The following ASCC3 variants were observed in gnomAD, a reference collection of about 807,000 sequenced individuals.
ASCC3 encodes the protein ASC-1 complex subunit P200.
ASCC3 carries 158 observed loss-of-function variants against 256.3 expected under a neutral mutation model. The observed-to-expected ratio is 0.62, with a 90% CI of 0.54 to 0.70. ASCC3 has a LOEUF of 0.70. ASCC3 is among the 30% of genes least tolerant of loss of function. The pLI is 0.00. For synonymous variants in ASCC3, 948 were observed against 883.4 expected, an observed-to-expected ratio of 1.07 and a Z score of -1.30; for missense variants, 2,259 against 2,626.0, an observed-to-expected ratio of 0.86 and a Z score of 3.05.
Position 100,848,152 on chromosome 6 carries a change from T to C in ASCC3, c.797A>G (p.Asp266Gly), listed in dbSNP as rs1372515381. The change falls in exon 4 of 42, where the codon GAT (aspartate) becomes GGT (glycine). Residue 266 changes from aspartate (D) to glycine (G), a missense_variant. By Grantham distance (94) the Asp-to-Gly change is moderately conservative. This residue lies in a region of ASCC3 where 420 missense variants were observed against 419.3 expected (regional missense o/e 1.00). Coordinates refer to ENST00000369162, the MANE Select transcript of ASCC3 (RefSeq NM_006828.4). ...AATAAATCATTTCAACTATACCTCA[T>C]CCTGAAGTTCATCACCACTTTTAAT... ...ASIKSGDELQ[D>G]ELFELLGPEG... 2 of 1,589,722 alleles carry C rather than the reference T, an allele frequency of 1.3e-6. No individual in the cohort carries two copies. Among genetic ancestry groups the C allele is most frequent in the East Asian group, 2.2e-5 (1 of 44,674 alleles).
intron 14 of ASCC3, among the ~76,000 whole-genome samples, chr6:100,664,976 C>T (rs1776395483): frequency 6.6e-6 from 1 of 152,172 alleles, no homozygotes; most frequent in African/African-American, 2.4e-5. Flanking sequence ...GTTCTGCTGT[C>T]CTTCTTACAA....
At chr6:100,602,968 A>C (rs1310407090) in intron 33 of ASCC3, among the ~76,000 whole-genome samples, 1 of 152,130 alleles carries the variant, frequency 6.6e-6, no homozygotes, top group Non-Finnish European at 1.5e-5. Context: ...CACCAGCTGC[A>C]GACTACAAAT....
intron 36 of ASCC3, among the ~76,000 whole-genome samples, chr6:100,567,905 C>T (rs1246340084): frequency 3.3e-5 from 5 of 151,988 alleles, no homozygotes; most frequent in Non-Finnish European, 5.9e-5. Flanking sequence ...TCTTTTGGAT[C>T]CCCAGTAATG....
chr6:100,635,176 T>C (rs1774780938), intron 25 of ASCC3, among the ~76,000 whole-genome samples: 3 of 151,810 alleles, frequency 2.0e-5, no homozygotes, highest in Non-Finnish European at 4.4e-5. Flanking sequence ...GATAAAGAAA[T>C]TGTAATATAT....
At chr6:100,695,535 TCC>T (rs750720892) in intron 13 of ASCC3, among the ~76,000 whole-genome samples, 26 of 152,054 alleles carry the variant, frequency 1.7e-4, no homozygotes, top group Non-Finnish European at 2.6e-4. Flanking sequence ...TGTCTTCATT[TCC>T]CCAGAGCCAT....
chr6:100,580,596 T>C (rs1191824025), intron 36 of ASCC3, among the ~76,000 whole-genome samples: 1 of 151,950 alleles, frequency 6.6e-6, no homozygotes, highest in East Asian at 1.9e-4. Context: ...ATTATTATTA[T>C]TATACTTTAA....
intron 10 of ASCC3, among the ~76,000 whole-genome samples, chr6:100,751,095 CCTTA>C (rs1780917088): frequency 6.6e-6 from 1 of 151,846 alleles, no homozygotes; most frequent in South Asian, 2.1e-4. Context: ...ATTGAATAGC[CCTTA>C]GACTATTCCC....
chr6:100,583,082 C>G (rs1040814891), intron 36 of ASCC3, among the ~76,000 whole-genome samples: 5 of 152,184 alleles, frequency 3.3e-5, no homozygotes, highest in Non-Finnish European at 7.3e-5. Context: ...GCTTTGGTAT[C>G]AGGATGATGC....
chr6:100,765,974 G>A (rs1326700819), intron 10 of ASCC3, among the ~76,000 whole-genome samples: 1 of 151,474 alleles, frequency 6.6e-6, no homozygotes, highest in African/African-American at 2.4e-5. Context: ...CTTATATATT[G>A]CTTTCAATAC....
chr6:100,574,497 T>C (rs1770759874), intron 36 of ASCC3, among the ~76,000 whole-genome samples: 1 of 152,010 alleles, frequency 6.6e-6, no homozygotes, highest in South Asian at 2.1e-4. Flanking sequence ...TGGGCCATTT[T>C]CTATTTTAAT....
intron 13 of ASCC3, among the ~76,000 whole-genome samples, chr6:100,698,912 C>T (rs1562234618): frequency 6.6e-6 from 1 of 152,164 alleles, no homozygotes; most frequent in Non-Finnish European, 1.5e-5. Context: ...CAGAAGACTT[C>T]ACCTATTCAC....
At position 100,657,051 on chromosome 6, in the gene ASCC3, T is replaced by C. The variant is rs1198455312; in HGVS notation, c.2704-1233A>G. 2.0e-5 allele frequency among the ~76,000 whole-genome samples: 3 copies of C among 151,420 alleles called. No individual in the cohort carries two copies. In the South Asian group the frequency reaches 6.2e-4, roughly 31 times the overall value. On this transcript the variant is annotated intron_variant, in intron 16 of 41. Coordinates refer to ENST00000369162, the MANE Select transcript of ASCC3 (RefSeq NM_006828.4). ...TTATAATTCTGTATAACTAATTTCA[T>C]GAAATAAATATGTGGATGGTTAATT... is the stretch of plus-strand genomic sequence containing the variant.
intron 30 of ASCC3, among the ~76,000 whole-genome samples, chr6:100,610,048 A>T (rs988504373): frequency 6.6e-6 from 1 of 152,204 alleles, no homozygotes; most frequent in African/African-American, 2.4e-5. Flanking sequence ...GTTAAGACCA[A>T]GTGATTTGAG....
At chr6:100,733,547 C>T (rs1318453667) in intron 10 of ASCC3, among the ~76,000 whole-genome samples, 7 of 152,090 alleles carry the variant, frequency 4.6e-5, no homozygotes, top group Non-Finnish European at 8.8e-5. Flanking sequence ...CATCAGACGC[C>T]GATGCCCAAT....
At chr6:100,553,869 C>T (rs1371245995) in intron 36 of ASCC3, among the ~76,000 whole-genome samples, 1 of 152,064 alleles carries the variant, frequency 6.6e-6, no homozygotes, top group Non-Finnish European at 1.5e-5. Flanking sequence ...AATATTTAGC[C>T]TACTAAATTT....
chr6:100,865,953 CATTT>C (rs59777780), intron 2 of ASCC3, among the ~76,000 whole-genome samples: 1,950 of 148,826 alleles, frequency 0.013, 20 homozygotes, highest in East Asian at 0.05. Flanking sequence ...TAAATAATTT[CATTT>C]ATTTATTTAT....
intron 13 of ASCC3, among the ~76,000 whole-genome samples, chr6:100,710,816 AC>A (rs1441762165): frequency 6.6e-6 from 1 of 152,184 alleles, no homozygotes; most frequent in East Asian, 1.9e-4. Flanking sequence ...TTAAAATGTA[AC>A]ATCATCTTAA....
At chr6:100,764,348 T>C (rs903668819) in intron 10 of ASCC3, among the ~76,000 whole-genome samples, 1 of 152,050 alleles carries the variant, frequency 6.6e-6, no homozygotes, top group South Asian at 2.1e-4. Flanking sequence ...TGTCAATAGA[T>C]AAAGGAAGAT....
At chr6:100,761,138 T>G (rs1278937148) in intron 10 of ASCC3, among the ~76,000 whole-genome samples, 1 of 151,950 alleles carries the variant, frequency 6.6e-6, no homozygotes, top group African/African-American at 2.4e-5. Context: ...TTGAATGGAG[T>G]GAATTTCTCT....
Sources: allele counts gnomAD v4.1 joint callset (sites outside exome capture counted in the v4.1 genomes callset), GRCh38; gene constraint gnomAD v4.1.1; regional missense constraint gnomAD v4.1.1; transcripts MANE v1.5; gene names NCBI Gene and HGNC (gene_info 2026-07-23, HGNC 2026-07-21).